The following ATP8A1 variants were observed in gnomAD, a reference collection of about 807,000 sequenced individuals.
ATP8A1 encodes the protein phospholipid-transporting ATPase IA.
Under a neutral mutation model 177.7 loss-of-function variants are expected in ATP8A1, and 90 were observed. The ratio of observed to expected loss-of-function variants is 0.51; its 90% CI spans 0.43 to 0.60. The LOEUF is 0.60. Ranked by LOEUF, ATP8A1 falls within the 20% of genes least tolerant of loss-of-function variation. The probability of loss-of-function intolerance (pLI) is 0.00; values close to 1 mark genes in which losing one functional copy is unlikely to be tolerated. For synonymous variants in ATP8A1, 493 were observed against 485.9 expected, an observed-to-expected ratio of 1.01 and a Z score of -0.19; for missense variants, 1,072 against 1,392.8, an observed-to-expected ratio of 0.77 and a Z score of 3.67.
chr4:42,536,849 C>A (rs183525218), intron 20 of ATP8A1, among the ~76,000 whole-genome samples: 1 of 152,022 alleles, frequency 6.6e-6, no homozygotes, highest in African/African-American at 2.4e-5. Context: ...AAACCAGGCC[C>A]GGCATGGTGG....
Position 42,551,217 on chromosome 4 carries a change from T to C in ATP8A1, c.1583A>G (p.Asp528Gly), listed in dbSNP as rs1729468029. The C allele has an allele frequency of 6.2e-7, 1 of 1,613,490 alleles. No individual in the cohort carries two copies. The highest frequency in any genetic ancestry group is 8.5e-7 in the Non-Finnish European group (1 of 1,179,554). ...ACTTACTGAATCTATAATCACCGAG[T>C]CGGGTGTTCTTCCAGTGAAAACAAA... The part of the protein sequence containing the change: ...LNFVFTGRTP[D>G]SVIIDSLGQE... Residue 528 changes from aspartate (D) to glycine (G), a missense_variant, in exon 18 of 37, where the codon GAC becomes GGC. Physicochemically the swap from Asp to Gly is moderately conservative, Grantham distance 94 (BLOSUM62 -1). This residue lies in a region of ATP8A1 where 388 missense variants were observed against 471.7 expected (regional missense o/e 0.82). Transcript: ENST00000381668.
intron 22 of ATP8A1, among the ~76,000 whole-genome samples, chr4:42,507,793 A>ATT (rs1553890635): frequency 8.5e-6 from 1 of 118,094 alleles, no homozygotes; most frequent in Non-Finnish European, 1.9e-5. Flanking sequence ...AAAAAAAAAA[A>ATT]AAAAAAAAAA....
chr4:42,571,795 T>C (rs1731932736), intron 14 of ATP8A1, among the ~76,000 whole-genome samples: 1 of 152,248 alleles, frequency 6.6e-6, no homozygotes, highest in South Asian at 2.1e-4. Flanking sequence ...AGTTGATTTC[T>C]ACAAGATAAT....
Position 42,594,095 on chromosome 4 carries a change from C to T in ATP8A1, c.451-3211G>A, listed in dbSNP as rs553822191. ...TATATTTGAATGATAAAGTATAGTACCTATCACTTATTCTATATGGCAAAC... is the reference window on the plus strand; with the variant it reads ...TATATTTGAATGATAAAGTATAGTATCTATCACTTATTCTATATGGCAAAC... On this transcript the variant is annotated intron_variant, in intron 6 of 36. Coordinates refer to ENST00000381668, the MANE Select transcript of ATP8A1 (RefSeq NM_006095.2). Among the ~76,000 whole-genome samples the T allele has an allele frequency of 1.3e-4, 20 of 152,106 alleles. No individual in the cohort carries two copies. In the South Asian group the frequency reaches 3.3e-3, roughly 25 times the overall value.
rs1475005069 is a variant in ATP8A1, at chr4:42,546,351, T to C, written c.1653-2365A>G. On this transcript the variant is annotated intron_variant, in intron 19 of 36. Coordinates refer to ENST00000381668, the MANE Select transcript of ATP8A1 (RefSeq NM_006095.2). ...CAAGGACAAAAAACCAAACATCACA[T>C]GTTCTCACTTACAGGTGGGAATTGA... Among the ~76,000 whole-genome samples, 3 of 147,160 alleles carry C rather than the reference T, an allele frequency of 2.0e-5. No individual in the cohort carries two copies. In the East Asian group the frequency reaches 6.1e-4, roughly 30 times the overall value.
At chr4:42,610,092 T>C (rs1006413172) in intron 5 of ATP8A1, among the ~76,000 whole-genome samples, 1 of 152,062 alleles carries the variant, frequency 6.6e-6, no homozygotes, top group African/African-American at 2.4e-5. Context: ...TTACCAAAGT[T>C]CCACTCTTAC....
intron 36 of ATP8A1, among the ~76,000 whole-genome samples, chr4:42,413,623 C>A (rs1043082729): frequency 5.3e-5 from 8 of 152,206 alleles, no homozygotes; most frequent in Admixed American, 1.3e-4. Context: ...ATACTTAATA[C>A]AATGCCCTCA....
At chr4:42,585,620 C>T (rs1196134085) in intron 9 of ATP8A1, among the ~76,000 whole-genome samples, 3 of 151,280 alleles carry the variant, frequency 2.0e-5, no homozygotes, top group Non-Finnish European at 2.9e-5. Flanking sequence ...CAATAAATTA[C>T]TGTAATTCAT....
rs1718907304 is a variant in ATP8A1, at chr4:42,459,856, G to A, written c.2620-4257C>T. On this transcript the variant is annotated intron_variant, in intron 27 of 36. Transcript: ENST00000381668. ...CCAGGCTGGAGTGCAATGGCGCGTG[G>A]TCTCTGCTCACTGCAAGCTCCACCT... Among the ~76,000 whole-genome samples, 4 of 151,826 alleles carry A rather than the reference G, an allele frequency of 2.6e-5. No individual in the cohort carries two copies. The South Asian group carries it at 8.3e-4, about 32-fold the overall frequency.
chr4:42,453,512 G>T (rs73235571), intron 29 of ATP8A1, among the ~76,000 whole-genome samples: 1,965 of 152,178 alleles, frequency 0.013, 20 homozygotes, highest in Non-Finnish European at 0.019. Flanking sequence ...ATAATGAAAA[G>T]ACTTTTTTCA....
intron 20 of ATP8A1, among the ~76,000 whole-genome samples, chr4:42,541,761 A>C (rs1274387717): frequency 6.6e-6 from 1 of 152,188 alleles, no homozygotes; most frequent in Non-Finnish European, 1.5e-5. Context: ...GAAAGAGGCC[A>C]GTCCAGAAAG....
At chr4:42,647,112 A>G (rs1740615428) in intron 1 of ATP8A1, among the ~76,000 whole-genome samples, 2 of 102,334 alleles carry the variant, frequency 2.0e-5, no homozygotes, top group South Asian at 6.9e-4. Context: ...TAAACTGCCA[A>G]GTCAAAGGCA....
intron 27 of ATP8A1, among the ~76,000 whole-genome samples, chr4:42,463,905 G>C (rs1191165418): frequency 6.6e-6 from 1 of 152,134 alleles, no homozygotes; most frequent in Non-Finnish European, 1.5e-5. Flanking sequence ...AAACATAATA[G>C]GAACAACAAG....
chr4:42,509,977 T>A (rs1011161650), intron 22 of ATP8A1, among the ~76,000 whole-genome samples: 2 of 152,256 alleles, frequency 1.3e-5, no homozygotes, highest in East Asian at 3.9e-4. Context: ...AAGAGAAGTG[T>A]AAATGCATGA....
At chr4:42,622,592 AAC>A (rs1737591245) in intron 4 of ATP8A1, among the ~76,000 whole-genome samples, 1 of 152,144 alleles carries the variant, frequency 6.6e-6, no homozygotes, top group African/African-American at 2.4e-5. Flanking sequence ...AAAAAAAAAC[AAC>A]AGAGTAAACA....
intron 1 of ATP8A1, 107 bp downstream of exon 1, chr4:42,656,718 C>G: frequency 7.7e-7 from 1 of 1,305,156 alleles, no homozygotes; most frequent in Admixed American, 2.8e-5. Flanking sequence ...GTCGGACTGC[C>G]GCCGGGGAAG....
intron 22 of ATP8A1, among the ~76,000 whole-genome samples, chr4:42,514,466 G>A (rs1725322488): frequency 6.6e-6 from 1 of 152,196 alleles, no homozygotes; most frequent in Non-Finnish European, 1.5e-5. Context: ...CTAACGGCCA[G>A]TTGAGGGAAA....
chr4:42,442,074 C>G (rs1003115156), intron 33 of ATP8A1, among the ~76,000 whole-genome samples: 5 of 152,312 alleles, frequency 3.3e-5, no homozygotes, highest in Middle Eastern at 3.4e-3. Flanking sequence ...AAAAGCCAGT[C>G]AAACTTCACA....
At chr4:42,500,707 A>G (rs900482927) in intron 24 of ATP8A1, among the ~76,000 whole-genome samples, 1 of 152,184 alleles carries the variant, frequency 6.6e-6, no homozygotes, top group Admixed American at 6.5e-5. Context: ...TGCTCTTGCT[A>G]TGAAAGGAGT....
Sources: gnomAD v4.1 joint callset for allele counts (sites outside exome capture counted in the v4.1 genomes callset) on GRCh38, gnomAD v4.1.1 for gene constraint, gnomAD v4.1.1 regional missense constraint, MANE v1.5 for transcripts, NCBI Gene and HGNC (gene_info 2026-07-23, HGNC 2026-07-21) for gene names.